Variants in GPR19 observed in about 807,000 individuals in gnomAD.
GPR19 encodes the protein probable G protein-coupled receptor 19.
GPR19 carries 14 observed loss-of-function variants against 28.5 expected under a neutral mutation model. The observed-to-expected ratio is 0.49, with a 90% confidence interval of 0.32 to 0.77. The LOEUF (loss-of-function observed/expected upper bound fraction) is 0.77. Among genes scored for constraint, GPR19 ranks in the 30% least tolerant of loss-of-function variants. The pLI is 0.03. For missense variants in GPR19, 409 were observed against 504.1 expected, an observed-to-expected ratio of 0.81 and a Z score of 1.81; for synonymous variants, 173 against 184.1, an observed-to-expected ratio of 0.94 and a Z score of 0.49.
the GPR19 span, among the ~76,000 whole-genome samples, chr12:12,712,650 T>A: frequency 1.3e-5 from 2 of 152,164 alleles, no homozygotes; most frequent in African/African-American, 4.8e-5. Context: ...AGCATCATGT[T>A]TTTCTATGTA....
the GPR19 span, among the ~76,000 whole-genome samples, chr12:12,711,747 T>C: frequency 6.6e-6 from 1 of 152,186 alleles, no homozygotes; most frequent in Non-Finnish European, 1.5e-5. Flanking sequence ...ATTCTCCTTT[T>C]CTGTTACCTC....
At chr12:12,698,155 C>A (rs1277653734), upstream of GPR19, among the ~76,000 whole-genome samples, 1 of 152,098 alleles carries the variant, frequency 6.6e-6, no homozygotes, top group Non-Finnish European at 1.5e-5. Flanking sequence ...TTCTTTGAGA[C>A]TCCTAGTTCA....
At chr12:12,679,779 A>G (rs1204068755) in intron 3 of GPR19, among the ~76,000 whole-genome samples, 1 of 152,208 alleles carries the variant, frequency 6.6e-6, no homozygotes, top group Non-Finnish European at 1.5e-5. Flanking sequence ...CTCTAGAGTC[A>G]GCCTGCCTGG....
At chr12:12,685,270 T>TG (rs1020203822) in intron 2 of GPR19, among the ~76,000 whole-genome samples, 1 of 144,880 alleles carries the variant, frequency 6.9e-6, no homozygotes, top group Non-Finnish European at 1.6e-5. Flanking sequence ...ATGGTCTTTT[T>TG]TTTTTTTTTG....
the GPR19 span, among the ~76,000 whole-genome samples, chr12:12,713,032 A>G: frequency 6.9e-6 from 1 of 144,526 alleles, no homozygotes; most frequent in East Asian, 2.0e-4. Flanking sequence ...ACCTATGCCT[A>G]CCTGGTCCTA....
At chr12:12,672,607 C>T (rs567304627) in intron 3 of GPR19, among the ~76,000 whole-genome samples, 9 of 152,142 alleles carry the variant, frequency 5.9e-5, no homozygotes, top group African/African-American at 2.2e-4. Context: ...ATTAGCCAGA[C>T]GTGATGGTGG....
chr12:12,711,192 G>A, the GPR19 span, among the ~76,000 whole-genome samples: 1 of 151,610 alleles, frequency 6.6e-6, no homozygotes, highest in Non-Finnish European at 1.5e-5. Flanking sequence ...TACTCGGGAG[G>A]CTGAGGCAGG....
upstream of GPR19, among the ~76,000 whole-genome samples, chr12:12,698,467 G>A (rs1371522481): frequency 1.3e-5 from 2 of 152,134 alleles, no homozygotes; most frequent in South Asian, 2.1e-4. Flanking sequence ...CTGAGTTCTC[G>A]AATTATTGTG....
chr12:12,716,790 G>A, the GPR19 span: 2 of 985,166 alleles, frequency 2.0e-6, no homozygotes, highest in South Asian at 4.7e-5. Flanking sequence ...AAGGCTGAGC[G>A]AACCATTGCC....
At chr12:12,717,166 A>G in the GPR19 span, 1 of 1,035,782 alleles carries the variant, frequency 9.7e-7, no homozygotes. Context: ...TGTTGGCAGC[A>G]GTACCCCTCC....
At chr12:12,674,514 T>A (rs564818092) in intron 3 of GPR19, among the ~76,000 whole-genome samples, 5 of 152,222 alleles carry the variant, frequency 3.3e-5, no homozygotes, top group South Asian at 2.1e-4. Context: ...TTAGTTTATA[T>A]GTGATGGGGT....
At position 12,661,794 on chromosome 12, in the gene GPR19, C is replaced by T; in HGVS notation, c.655G>A (p.Glu219Lys). Residue 219 changes from glutamate to lysine, a missense_variant, in exon 4 of 4, where the codon GAA becomes AAA. By Grantham distance (56) the Glu-to-Lys change is moderately conservative. Coordinates refer to ENST00000651487, the MANE Select transcript of GPR19 (RefSeq NM_006143.3). This position sits in a 1 kb window ranked among gnomAD's most constrained non-coding sequence, Gnocchi z 4.2. ...HCNYFLPSSW[E>K]GTAYTVIHFL... ...TGGATGACAGTGTAGGCAGTGCCTT[C>T]CCAAGAGGAGGGGAGGAAATAGTTA... 6.2e-7 allele frequency: 1 copy of T among 1,613,994 alleles called. No homozygotes were observed. The highest frequency in any genetic ancestry group is 8.5e-7 in the Non-Finnish European group (1 of 1,179,976).
intron 3 of GPR19, among the ~76,000 whole-genome samples, chr12:12,682,194 T>C (rs932888467): frequency 1.3e-5 from 2 of 152,162 alleles, no homozygotes; most frequent in Non-Finnish European, 2.9e-5. Flanking sequence ...AATGAAAATA[T>C]CAGGAGAACT....
At chr12:12,697,367 T>C (rs1946282151), upstream of GPR19, among the ~76,000 whole-genome samples, 1 of 104,504 alleles carries the variant, frequency 9.6e-6, no homozygotes, top group African/African-American at 3.1e-5. Flanking sequence ...ACTGGATTCG[T>C]TTGAAAACAA....
intron 3 of GPR19, among the ~76,000 whole-genome samples, chr12:12,672,759 A>C (rs199557877): frequency 6.6e-6 from 1 of 152,178 alleles, no homozygotes; most frequent in East Asian, 1.9e-4. Context: ...AAAGAAAAAA[A>C]AAAAATTCAC....
the GPR19 span, among the ~76,000 whole-genome samples, chr12:12,712,408 T>C: frequency 6.6e-6 from 1 of 152,202 alleles, no homozygotes; most frequent in African/African-American, 2.4e-5. Context: ...GGAGACAAGT[T>C]TGGACGCTGA....
At chr12:12,670,362 A>G (rs576306040) in intron 3 of GPR19, among the ~76,000 whole-genome samples, 36 of 152,328 alleles carry the variant, frequency 2.4e-4, no homozygotes, top group African/African-American at 7.0e-4. Context: ...TAAATCTCAC[A>G]GTGTAGGCAT....
chr12:12,710,211 G>C, the GPR19 span, among the ~76,000 whole-genome samples: 1 of 152,022 alleles, frequency 6.6e-6, no homozygotes, highest in Non-Finnish European at 1.5e-5. Flanking sequence ...AAATTAGCTG[G>C]GCCTGGTGGC....
At chr12:12,681,872 A>C (rs10743999) in intron 3 of GPR19, among the ~76,000 whole-genome samples, 142,170 of 152,258 alleles carry the variant, frequency 0.93, 66,782 homozygotes, top group East Asian at 1. Flanking sequence ...TGCCCCAGGA[A>C]AATCTTCTTC....
Sources: allele counts gnomAD v4.1 joint callset (sites outside exome capture counted in the v4.1 genomes callset), GRCh38; gene constraint gnomAD v4.1.1; non-coding constraint Gnocchi (gnomAD v3.1); transcripts MANE v1.5; gene names NCBI Gene and HGNC (gene_info 2026-07-23, HGNC 2026-07-21).